The following FBXO4 variants were observed in gnomAD, a reference collection of about 807,000 sequenced individuals.
The protein encoded by FBXO4 is F-box protein 4, also known as F-box only protein 4.
In FBXO4, 36 loss-of-function variants were observed where a neutral mutation model predicts 43.7. That is an observed-to-expected ratio of 0.82 (90% CI 0.63 to 1.09). The LOEUF is 1.09. Among genes scored for constraint, FBXO4 ranks in the 50% least tolerant of loss-of-function variants. The pLI is 0.00. For synonymous variants in FBXO4, 180 were observed against 165.6 expected, an observed-to-expected ratio of 1.09 and a Z score of -0.67; for missense variants, 435 against 474.1, an observed-to-expected ratio of 0.92 and a Z score of 0.77.
the FBXO4 span, among the ~76,000 whole-genome samples, chr5:41,999,478 C>CATATAT: frequency 6.1e-4 from 17 of 27,882 alleles, no homozygotes; most frequent in African/African-American, 1.4e-3. Context: ...TATATATATA[C>CATATAT]ACATATATAT....
the FBXO4 span, among the ~76,000 whole-genome samples, chr5:41,978,981 T>G: frequency 1.4e-5 from 2 of 147,744 alleles, no homozygotes; most frequent in African/African-American, 5.3e-5. Flanking sequence ...GCAATTTTTG[T>G]TTTTTTTTGT....
intron 3 of FBXO4, 91 bp from the exon 4 acceptor site, chr5:41,933,855 A>G (rs2112578227): frequency 1.0e-6 from 1 of 991,858 alleles, no homozygotes. Flanking sequence ...TTTTTTCTTT[A>G]CTCTTTTTGC....
chr5:41,946,542 G>T (rs1174138457), downstream of FBXO4, among the ~76,000 whole-genome samples: 2 of 152,228 alleles, frequency 1.3e-5, no homozygotes, highest in East Asian at 3.9e-4. Context: ...TTGCAGAAAC[G>T]ATCTATTTCA....
At chr5:41,973,309 T>C in the FBXO4 span, among the ~76,000 whole-genome samples, 36 of 152,246 alleles carry the variant, frequency 2.4e-4, no homozygotes, top group South Asian at 7.5e-3. Context: ...CCAACGCGCA[T>C]ATTTAAAATG....
the FBXO4 span, chr5:41,967,152 T>TC: frequency 2.4e-6 from 1 of 409,154 alleles, no homozygotes; most frequent in Non-Finnish European, 4.8e-6. Flanking sequence ...TAGTGGCTAC[T>TC]CCAAGCTCTT....
chr5:41,977,867 A>G, the FBXO4 span, among the ~76,000 whole-genome samples: 2 of 152,202 alleles, frequency 1.3e-5, no homozygotes, highest in Admixed American at 1.3e-4. Context: ...CCCATTGCTC[A>G]GCTCCAAAGC....
the FBXO4 span, among the ~76,000 whole-genome samples, chr5:41,956,700 T>C: frequency 2.6e-5 from 4 of 151,238 alleles, no homozygotes; most frequent in Non-Finnish European, 5.9e-5. Context: ...TATGTAATTT[T>C]TTTTTCTTCT....
chr5:41,933,895 T>C (rs1425999438), intron 3 of FBXO4, 51 bp from the exon 4 acceptor site: 1 of 1,474,032 alleles, frequency 6.8e-7, no homozygotes, highest in Non-Finnish European at 9.4e-7. Flanking sequence ...GTGTGATCTT[T>C]TGCTATTTTT....
chr5:41,967,559 A>T, the FBXO4 span: 5 of 1,048,830 alleles, frequency 4.8e-6, no homozygotes. Context: ...GTGCAGTGAC[A>T]TTGCAATAGG....
the FBXO4 span, among the ~76,000 whole-genome samples, chr5:42,012,881 C>T: frequency 6.6e-6 from 1 of 152,152 alleles, no homozygotes; most frequent in East Asian, 1.9e-4. Flanking sequence ...TGTTACAAAG[C>T]AGCACTCAGT....
chr5:41,989,794 T>C, the FBXO4 span, among the ~76,000 whole-genome samples: 1 of 152,166 alleles, frequency 6.6e-6, no homozygotes, highest in Non-Finnish European at 1.5e-5. Flanking sequence ...GTTCAAACAT[T>C]CCACCTTAGA....
chr5:41,956,318 A>C, the FBXO4 span, among the ~76,000 whole-genome samples: 1 of 152,246 alleles, frequency 6.6e-6, no homozygotes, highest in African/African-American at 2.4e-5. Context: ...ACTTGAAATG[A>C]AAAACACACT....
the FBXO4 span, among the ~76,000 whole-genome samples, chr5:42,017,365 T>C: frequency 6.6e-6 from 1 of 152,184 alleles, no homozygotes; most frequent in Non-Finnish European, 1.5e-5. Flanking sequence ...TGAAGAAAGG[T>C]ACAATTCTCC....
the FBXO4 span, among the ~76,000 whole-genome samples, chr5:42,025,107 G>T: frequency 6.7e-6 from 1 of 150,246 alleles, no homozygotes; most frequent in African/African-American, 2.5e-5. Context: ...TCTATTTTTT[G>T]TTTTGTTTTT....
At chr5:41,935,356 A>C (rs532673327) in intron 5 of FBXO4, among the ~76,000 whole-genome samples, 2 of 152,324 alleles carry the variant, frequency 1.3e-5, no homozygotes, top group South Asian at 2.1e-4. Context: ...CCTTGGTGGT[A>C]CAGGCATGCA....
At chr5:42,023,549 G>A in the FBXO4 span, among the ~76,000 whole-genome samples, 1 of 152,002 alleles carries the variant, frequency 6.6e-6, no homozygotes, top group Admixed American at 6.6e-5. Flanking sequence ...GTTGCTGTGA[G>A]AAAGTTATTT....
the FBXO4 span, among the ~76,000 whole-genome samples, chr5:41,964,408 T>G: frequency 6.6e-6 from 1 of 151,962 alleles, no homozygotes; most frequent in African/African-American, 2.4e-5. Context: ...GACAGATGTG[T>G]TTTAATAAAA....
At chr5:41,962,565 C>T in the FBXO4 span, among the ~76,000 whole-genome samples, 2 of 152,154 alleles carry the variant, frequency 1.3e-5, no homozygotes, top group African/African-American at 4.8e-5. Flanking sequence ...GAGGGTTTAT[C>T]TTCGTTCTTA....
chr5:42,010,507 C>CAA, the FBXO4 span, among the ~76,000 whole-genome samples: 7 of 106,498 alleles, frequency 6.6e-5, no homozygotes, highest in East Asian at 8.2e-4. Context: ...GCCTCCATCT[C>CAA]AAAAAAAAAA....
Sources: gnomAD v4.1 joint callset for allele counts (sites outside exome capture counted in the v4.1 genomes callset) on GRCh38, gnomAD v4.1.1 for gene constraint, MANE v1.5 for transcripts, NCBI Gene and HGNC (gene_info 2026-07-23, HGNC 2026-07-21) for gene names.